ADGRB3: variants seen among roughly 807,000 people sequenced by gnomAD.
The protein encoded by ADGRB3 is adhesion G protein-coupled receptor B3, also known as brain-specific angiogenesis inhibitor 3.
In ADGRB3, 37 loss-of-function variants were observed where a neutral mutation model predicts 193.4. The ratio of observed to expected loss-of-function variants is 0.19; its 90% CI spans 0.15 to 0.25. The LOEUF (loss-of-function observed/expected upper bound fraction) is 0.25, where lower values mean the gene tolerates loss of function less well. Ranked by LOEUF, ADGRB3 falls within the 10% of genes least tolerant of loss-of-function variation. The probability of loss-of-function intolerance (pLI) is 1.00; values close to 1 mark genes in which losing one functional copy is unlikely to be tolerated. For missense variants in ADGRB3, 1,637 were observed against 1,852.9 expected (o/e 0.88, Z 2.14); for synonymous variants, 690 against 644.2 (o/e 1.07, Z -1.08).
intron 3 of ADGRB3, among the ~76,000 whole-genome samples, chr6:68,868,545 CA>C (rs1240323041): frequency 1.3e-5 from 2 of 152,150 alleles, no homozygotes; most frequent in Non-Finnish European, 2.9e-5. Flanking sequence ...ACCAAATCCA[CA>C]AAACTGGTTT....
At chr6:69,102,931 A>G (rs1402167830) in intron 17 of ADGRB3, among the ~76,000 whole-genome samples, 2 of 152,362 alleles carry the variant, frequency 1.3e-5, no homozygotes, top group East Asian at 3.9e-4. Flanking sequence ...ATAGACAACC[A>G]TAGAATCAAA....
chr6:68,791,089 A>G (rs1767098961), intron 3 of ADGRB3, among the ~76,000 whole-genome samples: 1 of 152,062 alleles, frequency 6.6e-6, no homozygotes, highest in Non-Finnish European at 1.5e-5. Context: ...TAAGTGACAA[A>G]TTACATACTT....
At chr6:68,711,689 G>T (rs1009592610) in intron 3 of ADGRB3, among the ~76,000 whole-genome samples, 2 of 152,012 alleles carry the variant, frequency 1.3e-5, no homozygotes, top group Admixed American at 1.3e-4. Context: ...TCTGCTGTTA[G>T]CCCATCCCTT....
At chr6:68,919,867 T>G (rs1456227507) in intron 3 of ADGRB3, among the ~76,000 whole-genome samples, 1 of 152,108 alleles carries the variant, frequency 6.6e-6, no homozygotes, top group Non-Finnish European at 1.5e-5. Context: ...AGGATACTCT[T>G]TTGAGAGGTT....
intron 20 of ADGRB3, among the ~76,000 whole-genome samples, chr6:69,279,126 T>C (rs1767371489): frequency 7.6e-6 from 1 of 132,148 alleles, no homozygotes; most frequent in African/African-American, 2.8e-5. Context: ...TATATGCTCC[T>C]CAACTTATGA....
At chr6:69,228,296 A>G (rs780551400) in intron 17 of ADGRB3, among the ~76,000 whole-genome samples, 37 of 152,198 alleles carry the variant, frequency 2.4e-4, no homozygotes, top group Admixed American at 1.1e-3. Flanking sequence ...CTGAACATTT[A>G]TTATTAAGAC....
chr6:69,365,207 T>C (rs1769542879), intron 29 of ADGRB3, among the ~76,000 whole-genome samples: 1 of 152,106 alleles, frequency 6.6e-6, no homozygotes, highest in Non-Finnish European at 1.5e-5. Context: ...GTCACTGGCT[T>C]TTGGCTGGGT....
At chr6:68,981,502 A>G (rs1177594083) in intron 10 of ADGRB3, among the ~76,000 whole-genome samples, 5 of 151,718 alleles carry the variant, frequency 3.3e-5, no homozygotes, top group Non-Finnish European at 7.4e-5. Flanking sequence ...ATGCCTGTAA[A>G]ACTTTCAATT....
intron 3 of ADGRB3, among the ~76,000 whole-genome samples, chr6:68,928,264 A>G (rs1439718837): frequency 2.0e-5 from 3 of 152,120 alleles, no homozygotes; most frequent in African/African-American, 4.8e-5. Context: ...GGTGGCTCCT[A>G]CCTGCAATCC....
intron 3 of ADGRB3, among the ~76,000 whole-genome samples, chr6:68,812,423 A>C (rs1767529398): frequency 6.6e-6 from 1 of 152,152 alleles, no homozygotes; most frequent in Admixed American, 6.6e-5. Flanking sequence ...TACATTAGAT[A>C]ATTATATGAC....
At chr6:68,791,263 C>T (rs539752979) in intron 3 of ADGRB3, among the ~76,000 whole-genome samples, 2 of 152,196 alleles carry the variant, frequency 1.3e-5, no homozygotes, top group South Asian at 4.2e-4. Flanking sequence ...CACACCTGTG[C>T]CCATATGCAC....
intron 13 of ADGRB3, among the ~76,000 whole-genome samples, chr6:69,043,317 A>G (rs146153576): frequency 1.7e-5 from 1 of 59,012 alleles, no homozygotes. Flanking sequence ...AGAAAGAAAG[A>G]AAGAAAGAAA....
At chr6:68,993,027 A>G (rs959382630) in intron 10 of ADGRB3, among the ~76,000 whole-genome samples, 7 of 152,106 alleles carry the variant, frequency 4.6e-5, no homozygotes, top group African/African-American at 1.7e-4. Context: ...TTACCTTACT[A>G]TTCTTTCGCA....
intron 10 of ADGRB3, among the ~76,000 whole-genome samples, chr6:68,981,336 C>T (rs1768904145): frequency 6.6e-6 from 1 of 151,614 alleles, no homozygotes; most frequent in Admixed American, 6.6e-5. Context: ...TATGTGTTCA[C>T]TGTGTTTACA....
intron 17 of ADGRB3, among the ~76,000 whole-genome samples, chr6:69,146,934 C>T (rs547843797): frequency 2.9e-5 from 4 of 138,858 alleles, no homozygotes; most frequent in South Asian, 2.3e-4. Flanking sequence ...TTTGCCAATT[C>T]GTTCATATAT....
At chr6:69,112,413 G>A (rs897044707) in intron 17 of ADGRB3, among the ~76,000 whole-genome samples, 1 of 152,086 alleles carries the variant, frequency 6.6e-6, no homozygotes, top group Admixed American at 6.5e-5. Flanking sequence ...GACTCACCTG[G>A]TTGCAATAAA....
intron 17 of ADGRB3, among the ~76,000 whole-genome samples, chr6:69,138,674 C>G (rs960111643): frequency 6.6e-6 from 1 of 151,676 alleles, no homozygotes; most frequent in Admixed American, 6.6e-5. Context: ...TTTTTCTTTC[C>G]TGAATTTTAA....
chr6:69,035,660 A>G (rs1233187850), intron 13 of ADGRB3, among the ~76,000 whole-genome samples: 1 of 152,144 alleles, frequency 6.6e-6, no homozygotes, highest in East Asian at 1.9e-4. Flanking sequence ...TGCATTGTGG[A>G]GAATGAATAG....
rs535010887 is a variant in ADGRB3, at chr6:68,816,909, C to G, written c.758-113650C>G. Among the ~76,000 whole-genome samples, 4 of 152,154 alleles carry G rather than the reference C, an allele frequency of 2.6e-5. No homozygotes were observed. In the South Asian group the frequency reaches 8.3e-4, roughly 32 times the overall value. On this transcript the variant is annotated intron_variant, in intron 3 of 31. Transcript: ENST00000370598. ...AATCCACTAATCTAATATAAATCTA[C>G]TAGGTGCTATTCTCCCAACTATTAC...
Sources: gnomAD v4.1 joint callset for allele counts (sites outside exome capture counted in the v4.1 genomes callset) on GRCh38, gnomAD v4.1.1 for gene constraint, MANE v1.5 for transcripts, NCBI Gene and HGNC (gene_info 2026-07-23, HGNC 2026-07-21) for gene names.